The following RIMS1 variants were observed in gnomAD, a reference collection of about 807,000 sequenced individuals.
RIMS1 encodes regulating synaptic membrane exocytosis 1.
Under a neutral mutation model 214.1 loss-of-function variants are expected in RIMS1, and 83 were observed. The observed-to-expected ratio is 0.39, with a 90% confidence interval of 0.32 to 0.47. The LOEUF (loss-of-function observed/expected upper bound fraction) is 0.47, where lower values mean the gene tolerates loss of function less well. Among genes scored for constraint, RIMS1 ranks in the 20% least tolerant of loss-of-function variants. The pLI, the probability that RIMS1 is intolerant of heterozygous loss-of-function variation, is 0.99. For synonymous variants in RIMS1, 793 were observed against 786.8 expected, an observed-to-expected ratio of 1.01 and a Z score of -0.13; for missense variants, 2,050 against 2,161.8, an observed-to-expected ratio of 0.95 and a Z score of 1.03.
At chr6:72,257,124 A>G (rs772769479) in intron 16 of RIMS1, among the ~76,000 whole-genome samples, 2 of 151,942 alleles carry the variant, frequency 1.3e-5, no homozygotes, top group South Asian at 2.1e-4. Flanking sequence ...TAAAAAATGA[A>G]CAACAGTTTT....
chr6:72,323,698 G>T (rs1037785868), intron 28 of RIMS1, among the ~76,000 whole-genome samples: 7 of 151,600 alleles, frequency 4.6e-5, no homozygotes, highest in Non-Finnish European at 1.5e-5. Context: ...ACTGATAAAA[G>T]ACATCAAATT....
At chr6:72,013,667 A>C (rs1305774170) in intron 2 of RIMS1, among the ~76,000 whole-genome samples, 1 of 152,170 alleles carries the variant, frequency 6.6e-6, no homozygotes, top group Non-Finnish European at 1.5e-5. Context: ...CTTCATTTCA[A>C]ATGCTAGATT....
At chr6:72,260,997 AG>A (rs1591026472) in intron 19 of RIMS1, 1 of 1,315,806 alleles carries the variant, frequency 7.6e-7, no homozygotes, top group Non-Finnish European at 9.8e-7. Context: ...TCCAGAGACT[AG>A]TGGGCCTCTC....
intron 2 of RIMS1, among the ~76,000 whole-genome samples, chr6:72,059,427 C>T (rs1300502692): frequency 1.3e-5 from 2 of 152,066 alleles, no homozygotes; most frequent in Non-Finnish European, 2.9e-5. Context: ...CGGGGTTTTG[C>T]CATGTTGCCT....
intron 2 of RIMS1, among the ~76,000 whole-genome samples, chr6:72,008,346 C>A (rs1808695849): frequency 6.6e-6 from 1 of 152,202 alleles, no homozygotes; most frequent in Non-Finnish European, 1.5e-5. Context: ...AAAGAAACAA[C>A]TGGTACCAGC....
intron 6 of RIMS1, among the ~76,000 whole-genome samples, chr6:72,186,823 T>A (rs536981252): frequency 2.0e-5 from 3 of 150,624 alleles, no homozygotes; most frequent in Admixed American, 2.0e-4. Flanking sequence ...ATACTATATA[T>A]AGGAACAATT....
At chr6:72,272,126 G>A (rs899941682) in intron 22 of RIMS1, among the ~76,000 whole-genome samples, 1 of 152,136 alleles carries the variant, frequency 6.6e-6, no homozygotes. Context: ...TCAACTTTAT[G>A]ATTAAAATCT....
At chr6:72,274,863 G>C (rs541137277) in intron 23 of RIMS1, among the ~76,000 whole-genome samples, 1 of 152,014 alleles carries the variant, frequency 6.6e-6, no homozygotes, top group South Asian at 2.1e-4. Context: ...TAACAATGAA[G>C]TTTAGGCTTT....
At chr6:72,300,558 G>A (rs1284747722) in intron 26 of RIMS1, among the ~76,000 whole-genome samples, 1 of 151,706 alleles carries the variant, frequency 6.6e-6, no homozygotes, top group Non-Finnish European at 1.5e-5. Flanking sequence ...TCAGTGATTG[G>A]TTTTGTTATC....
intron 6 of RIMS1, among the ~76,000 whole-genome samples, chr6:72,226,412 C>G (rs903925059): frequency 6.6e-6 from 1 of 151,914 alleles, no homozygotes. Context: ...TATCGATTAC[C>G]CTTTTCAAAG....
intron 26 of RIMS1, among the ~76,000 whole-genome samples, chr6:72,306,260 C>T (rs1339243042): frequency 1.3e-5 from 2 of 152,078 alleles, no homozygotes; most frequent in African/African-American, 2.4e-5. Context: ...TGCTCACACA[C>T]ACACACACAC....
At chr6:72,298,888 T>C (rs1216930535) in intron 26 of RIMS1, among the ~76,000 whole-genome samples, 1 of 151,976 alleles carries the variant, frequency 6.6e-6, no homozygotes. Context: ...CTAACAAAGA[T>C]AACACATCCT....
At chr6:71,985,415 A>G (rs1380070483) in intron 2 of RIMS1, among the ~76,000 whole-genome samples, 1 of 152,196 alleles carries the variant, frequency 6.6e-6, no homozygotes, top group East Asian at 1.9e-4. Context: ...AAATAGATAA[A>G]TTATATTAAA....
intron 2 of RIMS1, among the ~76,000 whole-genome samples, chr6:72,039,365 T>G (rs965325671): frequency 3.3e-5 from 5 of 152,132 alleles, no homozygotes; most frequent in African/African-American, 1.2e-4. Context: ...GAGAAAATGT[T>G]AATTTTTTTC....
chr6:72,142,280 C>G (rs1438886370), intron 4 of RIMS1, among the ~76,000 whole-genome samples: 1 of 151,882 alleles, frequency 6.6e-6, no homozygotes, highest in Non-Finnish European at 1.5e-5. Flanking sequence ...ATGCCTAACT[C>G]CAAAGATGGT....
chr6:72,268,218 G>A (rs934514183), intron 22 of RIMS1, among the ~76,000 whole-genome samples: 1 of 152,118 alleles, frequency 6.6e-6, no homozygotes, highest in Admixed American at 6.6e-5. Context: ...CAAGAGTGGT[G>A]ACTTTGTTAT....
chr6:72,085,892 C>T (rs62409483), intron 2 of RIMS1, among the ~76,000 whole-genome samples: 52,405 of 151,946 alleles, frequency 0.34, 10,254 homozygotes, highest in South Asian at 0.47. Context: ...AAGTTTGAAA[C>T]AGAGGACCTA....
chr6:72,390,760 A>G (rs145288166), intron 30 of RIMS1, 24 bp downstream of exon 30: 2 of 1,611,706 alleles, frequency 1.2e-6, no homozygotes, highest in South Asian at 1.1e-5. Context: ...GCACGTCTGC[A>G]TGGCTGTGGA....
At chr6:72,008,197 G>C (rs2692264) in intron 2 of RIMS1, among the ~76,000 whole-genome samples, 3 of 152,044 alleles carry the variant, frequency 2.0e-5, no homozygotes, top group African/African-American at 4.8e-5. Flanking sequence ...GAATTTTCAA[G>C]CCAGAATTTC....
Sources: allele counts gnomAD v4.1 joint callset (sites outside exome capture counted in the v4.1 genomes callset), GRCh38; gene constraint gnomAD v4.1.1; transcripts MANE v1.5; gene names NCBI Gene and HGNC (gene_info 2026-07-23, HGNC 2026-07-21).